SPG7: variants seen among roughly 807,000 people sequenced by gnomAD.
SPG7 encodes SPG7 matrix AAA peptidase subunit, paraplegin, also known as mitochondrial inner membrane m-AAA protease component paraplegin.
SPG7 carries 103 observed loss-of-function variants against 81.9 expected under a neutral mutation model. The observed-to-expected ratio is 1.26, with a 90% CI of 1.07 to 1.48. The LOEUF is 1.48. Among genes scored for constraint, SPG7 ranks in the 40% most tolerant of loss-of-function variants. SPG7 has a pLI of 0.00. For missense variants in SPG7, 1,241 were observed against 1,087.3 expected, an observed-to-expected ratio of 1.14 and a Z score of -1.99; for synonymous variants, 534 against 444.2, an observed-to-expected ratio of 1.20 and a Z score of -2.54.
intron 2 of SPG7, among the ~76,000 whole-genome samples, chr16:89,511,591 A>T (rs770736967): frequency 1.6e-4 from 24 of 152,246 alleles, no homozygotes; most frequent in Non-Finnish European, 3.4e-4. Flanking sequence ...GCTGTGAAAC[A>T]GGAAGCACAT....
chr16:89,530,968 C>T, intron 7 of SPG7, 160 bp downstream of exon 7: 1 of 916,998 alleles, frequency 1.1e-6, no homozygotes, highest in Non-Finnish European at 1.7e-6. Context: ...GTGCTGGTGC[C>T]TGTTCAACCA....
In SPG7 at chr16:89,524,122, A is replaced by G. The variant is rs2058230028; in HGVS notation, c.493A>G (p.Ile165Val). ...LNALSTSGGSISWNDFVHEML... is the reference protein window; with the variant it reads ...LNALSTSGGSVSWNDFVHEML... ...TGCTCTCAGCACCAGCGGAGGCAGCATTTCCTGGAACGACTTTGTCCACGA... is the reference window on the plus strand; with the variant it reads ...TGCTCTCAGCACCAGCGGAGGCAGCGTTTCCTGGAACGACTTTGTCCACGA... Residue 165 changes from isoleucine (I) to valine (V), a missense_variant, in exon 4 of 17, where the codon ATT (isoleucine) becomes GTT (valine). Transcript: ENST00000645818. 1.2e-6 allele frequency: 2 copies of G among 1,614,078 alleles called. No homozygotes were observed. The highest frequency in any genetic ancestry group is 1.7e-6 in the Non-Finnish European group (2 of 1,180,034).
intron 11 of SPG7, chr16:89,547,554 C>T (rs1394171998): frequency 1.6e-5 from 4 of 247,834 alleles, no homozygotes; most frequent in East Asian, 2.3e-4. Context: ...CTCTCCCAGA[C>T]GCTCTCACCA....
rs200741808 is a variant in SPG7, at chr16:89,555,800, CTTTGTCCCA to C, written c.2182-1085_2182-1077del. The C allele has an allele frequency of 4.8e-3, 1,903 of 398,572 alleles. 32 individuals carry two copies. Among genetic ancestry groups the C allele is most frequent in the African/African-American group, 0.036 (1,754 of 48,760 alleles). The allele number at this position is 398,572 out of a possible 1,614,324, so 24.7% of individuals were successfully genotyped here. A position where few individuals can be genotyped will look rare whatever the true frequency, so the allele number is the denominator to read the frequency against. On this transcript the variant is annotated intron_variant, in intron 16 of 16. Coordinates refer to ENST00000645818, the MANE Select transcript of SPG7 (RefSeq NM_003119.4). ...TAGAACTCAGGAGAGGTGCACGGCT[CTTTGTCCCA>C]TGTTGTGAACAGATGGGTAGGCAGT...
chr16:89,556,811 C>G, intron 16 of SPG7, 76 bp from the exon 17 acceptor site: 1 of 1,230,328 alleles, frequency 8.1e-7, no homozygotes, highest in East Asian at 2.3e-5. Flanking sequence ...CCTCACGCCT[C>G]TTGCCACCTC....
intron 16 of SPG7, chr16:89,556,435 GGTGTC>G: frequency 3.4e-6 from 1 of 298,306 alleles, no homozygotes; most frequent in South Asian, 5.1e-5. Context: ...CAGGACAGTC[GGTGTC>G]TCAAGTGTTT....
At chr16:89,513,375 G>C (rs1018185773) in intron 3 of SPG7, among the ~76,000 whole-genome samples, 1 of 152,134 alleles carries the variant, frequency 6.6e-6, no homozygotes, top group Admixed American at 6.6e-5. Flanking sequence ...AATTAGCCGG[G>C]CGTGATGGCA....
chr16:89,536,162 CCGCTCTGGTGCTG>C (rs2058412469), intron 9 of SPG7, among the ~76,000 whole-genome samples: 1 of 106,266 alleles, frequency 9.4e-6, no homozygotes, highest in African/African-American at 3.5e-5. Context: ...TTCAGTGTGG[CCGCTCTGGTGCTG>C]TGTGGCCTTC....
intron 7 of SPG7, chr16:89,531,565 G>T (rs951947183): frequency 5.7e-6 from 2 of 349,102 alleles, no homozygotes; most frequent in South Asian, 4.9e-5. Context: ...GTAGAGACGG[G>T]GTTTTTCCAT....
At chr16:89,509,322 C>G (rs2057979758) in intron 1 of SPG7, among the ~76,000 whole-genome samples, 1 of 152,110 alleles carries the variant, frequency 6.6e-6, no homozygotes. Flanking sequence ...ATGGTCTTGG[C>G]TCACTGCAAC....
chr16:89,527,015 G>T (rs926178275), intron 5 of SPG7: 2 of 239,842 alleles, frequency 8.3e-6, no homozygotes, highest in African/African-American at 4.6e-5. Flanking sequence ...GTAAAATGCC[G>T]AAATCTTTGT....
intron 11 of SPG7, chr16:89,547,074 G>A (rs1445132820): frequency 2.6e-6 from 1 of 380,286 alleles, no homozygotes; most frequent in African/African-American, 2.1e-5. Flanking sequence ...GTCAGACCCA[G>A]AGTCAGACCA....
chr16:89,533,091 A>AAAAAAC (rs1555613248), intron 9 of SPG7: 1 of 178,596 alleles, frequency 5.6e-6, no homozygotes, highest in African/African-American at 2.4e-5. Context: ...AAAAAAAAAA[A>AAAAAAC]AACACAGCTT....
chr16:89,523,841 C>G (rs2058225233), intron 3 of SPG7, 165 bp from the exon 4 acceptor site: 3 of 927,314 alleles, frequency 3.2e-6, no homozygotes, highest in Admixed American at 4.0e-5. Flanking sequence ...CAGCGTTAGT[C>G]TTTGTCTCTG....
chr16:89,514,669 T>A (rs1382136123), intron 3 of SPG7: 2 of 151,714 alleles, frequency 1.3e-5, no homozygotes, highest in East Asian at 3.9e-4. Context: ...CCCGGCTAAT[T>A]TTTTTGTTTT....
At chr16:89,556,357 G>T in intron 16 of SPG7, 2 of 326,286 alleles carry the variant, frequency 6.1e-6, no homozygotes, top group Non-Finnish European at 5.6e-6. Context: ...ACAGAAACCA[G>T]TGAAATGTGG....
chr16:89,531,841 C>T (rs2058346511), intron 7 of SPG7, 63 bp from the exon 8 acceptor site: 2 of 1,574,146 alleles, frequency 1.3e-6, no homozygotes, highest in South Asian at 2.2e-5. Context: ...GAGACCTTAC[C>T]TCTAAAAAAC....
At chr16:89,555,491 C>G (rs2058678027) in intron 16 of SPG7, 1 of 167,360 alleles carries the variant, frequency 6.0e-6, no homozygotes, top group Admixed American at 6.4e-5. Context: ...CCTGAGGAGC[C>G]CCCGCCGACC....
At chr16:89,532,670 C>T in intron 9 of SPG7, 34 bp downstream of exon 9, 1 of 1,611,612 alleles carries the variant, frequency 6.2e-7, no homozygotes, top group Non-Finnish European at 8.5e-7. Flanking sequence ...CCCCATTGCA[C>T]CATCAGAGGA....
Sources: allele counts gnomAD v4.1 joint callset (sites outside exome capture counted in the v4.1 genomes callset), GRCh38; gene constraint gnomAD v4.1.1; transcripts MANE v1.5; gene names NCBI Gene and HGNC (gene_info 2026-07-23, HGNC 2026-07-21).